Variants in COL5A2 observed in about 807,000 individuals in gnomAD.
The protein encoded by COL5A2 is collagen type V alpha 2 chain.
In COL5A2, 23 loss-of-function variants were observed where a neutral mutation model predicts 208.2. The observed-to-expected ratio is 0.11, with a 90% CI of 0.08 to 0.16. COL5A2 has a LOEUF of 0.16. COL5A2 is among the 10% of genes least tolerant of loss of function. The pLI is 1.00. For synonymous variants in COL5A2, 625 were observed against 628.5 expected (o/e 0.99, Z 0.08); for missense variants, 1,590 against 1,956.4 (o/e 0.81, Z 3.53).
At position 189,166,905 on chromosome 2, in the gene COL5A2, A is replaced by G. The variant is rs184681512; in HGVS notation, c.97+12603T>C. ...TATTAGCTCCCCATGAGGCTCGGAA[A>G]GAAAAGAATGCCAAACAGGTAAATT... On this transcript the variant is annotated intron_variant, in intron 1 of 53. Transcript: ENST00000374866. Among the ~76,000 whole-genome samples the G allele has an allele frequency of 3.3e-5, 5 of 152,380 alleles. No homozygotes were observed. In the East Asian group the frequency reaches 9.6e-4, roughly 29 times the overall value.
At chr2:189,288,466 T>C in the COL5A2 span, among the ~76,000 whole-genome samples, 4 of 152,122 alleles carry the variant, frequency 2.6e-5, no homozygotes, top group Admixed American at 6.5e-5. Context: ...ACAAACTGTA[T>C]AGCCTAGAAG....
At position 189,166,020 on chromosome 2, in the gene COL5A2, T is replaced by A. The variant is rs147026358; in HGVS notation, c.97+13488A>T. ...TAAAAAATAGAAGAGTCAAAGAACATATGTTGAGAGATGTCATCTACTTTT... is the reference window on the plus strand; with the variant it reads ...TAAAAAATAGAAGAGTCAAAGAACAAATGTTGAGAGATGTCATCTACTTTT... On this transcript the variant is annotated intron_variant, in intron 1 of 53. Coordinates refer to ENST00000374866, the MANE Select transcript of COL5A2 (RefSeq NM_000393.5). 6.0e-5 allele frequency among the ~76,000 whole-genome samples: 9 copies of A among 151,124 alleles called. No individual in the cohort carries two copies. The East Asian group carries it at 1.8e-3, about 30-fold the overall frequency.
At chr2:189,034,822 T>C in intron 53 of COL5A2, 94 bp downstream of exon 53, 10 of 1,473,226 alleles carry the variant, frequency 6.8e-6, no homozygotes, top group Non-Finnish European at 9.4e-6. Flanking sequence ...ATATACAAGG[T>C]AAAATTGCCC....
At chr2:189,330,525 C>T in the COL5A2 span, among the ~76,000 whole-genome samples, 121 of 152,206 alleles carry the variant, frequency 7.9e-4, 1 homozygote, top group African/African-American at 2.6e-3. Context: ...AGGGGCAGAG[C>T]GGAGAGCAAA....
intron 1 of COL5A2, among the ~76,000 whole-genome samples, chr2:189,161,123 C>CT (rs906956739): frequency 8.7e-5 from 13 of 149,226 alleles, no homozygotes; most frequent in East Asian, 5.9e-4. Flanking sequence ...CCCGGCTGTA[C>CT]TTTTTTTTTA....
chr2:189,368,656 A>C, the COL5A2 span, among the ~76,000 whole-genome samples: 1 of 152,226 alleles, frequency 6.6e-6, no homozygotes, highest in South Asian at 2.1e-4. Flanking sequence ...AGTTAACTGT[A>C]GTATTAACAT....
At chr2:189,116,227 G>T (rs1233574749) in intron 1 of COL5A2, among the ~76,000 whole-genome samples, 3 of 152,176 alleles carry the variant, frequency 2.0e-5, no homozygotes, top group Non-Finnish European at 4.4e-5. Context: ...AAAGGAGGAG[G>T]TAATAAAGCC....
chr2:189,286,945 A>G, the COL5A2 span, among the ~76,000 whole-genome samples: 1 of 152,138 alleles, frequency 6.6e-6, no homozygotes, highest in East Asian at 1.9e-4. Context: ...AGCAAAAAAA[A>G]CTTAAGAATG....
At chr2:189,386,088 C>G in the COL5A2 span, among the ~76,000 whole-genome samples, 4 of 152,236 alleles carry the variant, frequency 2.6e-5, no homozygotes, top group African/African-American at 4.8e-5. Context: ...ACCATAAGAA[C>G]AGTATGGAGG....
intron 1 of COL5A2, among the ~76,000 whole-genome samples, chr2:189,144,340 C>T (rs13012649): frequency 0.6 from 91,621 of 151,844 alleles, 28,772 homozygotes; most frequent in East Asian, 0.78. Context: ...AGTTTTGTTT[C>T]TGAGCAAGAA....
chr2:189,054,359 C>A, intron 35 of COL5A2, 147 bp from the exon 36 acceptor site: 1 of 642,080 alleles, frequency 1.6e-6, no homozygotes. Context: ...ATGATATAAT[C>A]TATATATTTT....
At chr2:189,395,909 A>T in the COL5A2 span, among the ~76,000 whole-genome samples, 9 of 147,766 alleles carry the variant, frequency 6.1e-5, no homozygotes, top group African/African-American at 2.3e-4. Flanking sequence ...AAAAAAAAAA[A>T]AAAAAAAAAA....
rs28384400 is a variant in COL5A2 at position 189,179,700 on chromosome 2, C to A, written c.-96G>T. 4.8e-4 allele frequency: 742 copies of A among 1,542,328 alleles called. 5 individuals carry two copies. In the East Asian group the frequency reaches 6.8e-3, roughly 14 times the overall value. ...AGTCAGCTGTGGGCTCTTCTTTCAG[C>A]ACCAGCCCCAGGGCAGCCTCTGCAA... On this transcript the variant is annotated 5_prime_UTR_variant, in exon 1 of 54. Transcript: ENST00000374866.
In COL5A2 at chr2:189,155,828, A is replaced by G. The variant is rs544706103; in HGVS notation, c.97+23680T>C. On this transcript the variant is annotated intron_variant, in intron 1 of 53. Coordinates refer to ENST00000374866, the MANE Select transcript of COL5A2 (RefSeq NM_000393.5). ...CTGAAATGGGTTTCACTGGGCTAAC[A>G]TCAAGATATTGACAGGGCTGCACCC... is the stretch of plus-strand genomic sequence containing the variant. Among the ~76,000 whole-genome samples, 32 of 152,312 alleles carry G rather than the reference A, an allele frequency of 2.1e-4. No individual in the cohort carries two copies. The South Asian group carries it at 6.0e-3, about 29-fold the overall frequency.
At chr2:189,426,218 T>C in the COL5A2 span, among the ~76,000 whole-genome samples, 1 of 152,098 alleles carries the variant, frequency 6.6e-6, no homozygotes, top group African/African-American at 2.4e-5. Flanking sequence ...GACAAGGAAT[T>C]CCAGACTGAG....
chr2:189,234,350 T>C, the COL5A2 span, among the ~76,000 whole-genome samples: 1 of 151,834 alleles, frequency 6.6e-6, no homozygotes, highest in Non-Finnish European at 1.5e-5. Flanking sequence ...TTCATTTCTA[T>C]GTTTACATAA....
chr2:189,296,170 T>C, the COL5A2 span, among the ~76,000 whole-genome samples: 1 of 152,284 alleles, frequency 6.6e-6, no homozygotes, highest in Non-Finnish European at 1.5e-5. Context: ...TAGGTGTTTC[T>C]CAAGTTTAGC....
intron 1 of COL5A2, 134 bp downstream of exon 1, chr2:189,179,374 G>A: frequency 1.0e-6 from 1 of 963,928 alleles, no homozygotes; most frequent in Non-Finnish European, 1.6e-6. Flanking sequence ...TCGTTTTCCA[G>A]GTGCAAATCC....
Position 189,068,283 on chromosome 2 carries a change from T to C in COL5A2, c.1258-13A>G. The C allele has an allele frequency of 6.2e-7, 1 of 1,607,148 alleles. No homozygotes were observed. Among genetic ancestry groups the C allele is most frequent in the Non-Finnish European group, 8.5e-7 (1 of 1,174,072 alleles). On this transcript the variant is annotated splice_polypyrimidine_tract_variant and intron_variant, in intron 19 of 53. Transcript: ENST00000374866. The stretch of plus-strand genomic sequence containing the variant: ...TTCCTATTGCACCCTAAAAGGTACA[T>C]TAAAAGTATGTAATGAAATATTAAG...
Sources: gnomAD v4.1 joint callset for allele counts (sites outside exome capture counted in the v4.1 genomes callset) on GRCh38, gnomAD v4.1.1 for gene constraint, MANE v1.5 for transcripts, NCBI Gene and HGNC (gene_info 2026-07-23, HGNC 2026-07-21) for gene names.